STK3: variants seen among roughly 807,000 people sequenced by gnomAD.
STK3 encodes serine/threonine kinase 3, also known as serine/threonine-protein kinase 3.
In STK3, 41 loss-of-function variants were observed where a neutral mutation model predicts 58.0. That is an observed-to-expected ratio of 0.71 (90% CI 0.55 to 0.92). The LOEUF is 0.92. STK3 is among the 40% of genes least tolerant of loss of function. The pLI, the probability that STK3 is intolerant of heterozygous loss-of-function variation, is 0.00. For synonymous variants in STK3, 170 were observed against 191.0 expected (o/e 0.89, Z 0.91); for missense variants, 479 against 602.7 (o/e 0.79, Z 2.15).
chr8:98,726,321 T>C (rs911401226), intron 4 of STK3, among the ~76,000 whole-genome samples: 7 of 152,182 alleles, frequency 4.6e-5, no homozygotes, highest in Non-Finnish European at 1.5e-5. Context: ...GGGGACTATA[T>C]ATTATAATGT....
chr8:98,619,844 AG>A (rs1243236229), intron 6 of STK3, among the ~76,000 whole-genome samples: 1 of 89,706 alleles, frequency 1.1e-5, no homozygotes, highest in Non-Finnish European at 2.2e-5. Context: ...GTGGAGAAAT[AG>A]GAACACTTTT....
intron 6 of STK3, among the ~76,000 whole-genome samples, chr8:98,606,895 G>A (rs553203590): frequency 1.3e-5 from 2 of 152,232 alleles, no homozygotes; most frequent in South Asian, 4.1e-4. Context: ...AAACCTGAGG[G>A]GATCAAAGGA....
chr8:98,932,477 A>G (rs549821675), intron 1 of STK3, among the ~76,000 whole-genome samples: 11 of 152,222 alleles, frequency 7.2e-5, no homozygotes, highest in Non-Finnish European at 1.5e-4. Flanking sequence ...TTAGTAGATA[A>G]ACACTCGACT....
chr8:98,744,512 C>T (rs886725420), intron 4 of STK3, among the ~76,000 whole-genome samples: 1 of 141,504 alleles, frequency 7.1e-6, no homozygotes, highest in Non-Finnish European at 1.5e-5. Flanking sequence ...TATTCTCACT[C>T]ATAGGTGGGA....
chr8:98,624,433 CAT>C, intron 6 of STK3, among the ~76,000 whole-genome samples: 1 of 152,082 alleles, frequency 6.6e-6, no homozygotes, highest in Admixed American at 6.5e-5. Context: ...AAAACTTTAT[CAT>C]AGAGTTGGTC....
chr8:98,792,457 G>A (rs1832863859), intron 1 of STK3, among the ~76,000 whole-genome samples: 1 of 152,236 alleles, frequency 6.6e-6, no homozygotes, highest in South Asian at 2.1e-4. Flanking sequence ...GACACTTTGG[G>A]AGGCCGAGGT....
intron 4 of STK3, among the ~76,000 whole-genome samples, chr8:98,745,685 A>C (rs537652310): frequency 6.6e-6 from 1 of 152,304 alleles, no homozygotes; most frequent in South Asian, 2.1e-4. Flanking sequence ...CTTTTGACTG[A>C]CTTACAAGAT....
At chr8:98,485,608 G>A (rs1822193349) in intron 10 of STK3, among the ~76,000 whole-genome samples, 1 of 152,188 alleles carries the variant, frequency 6.6e-6, no homozygotes, top group Non-Finnish European at 1.5e-5. Context: ...ATTTCAACTA[G>A]CAACACAGGA....
chr8:98,689,133 G>A (rs965668687), intron 6 of STK3, among the ~76,000 whole-genome samples: 2 of 152,108 alleles, frequency 1.3e-5, no homozygotes, highest in Middle Eastern at 3.2e-3. Flanking sequence ...GAACATTTCA[G>A]TACATACAAA....
At chr8:98,828,852 A>T (rs528864241), upstream of STK3, among the ~76,000 whole-genome samples, 6 of 152,206 alleles carry the variant, frequency 3.9e-5, no homozygotes, top group Non-Finnish European at 8.8e-5. Flanking sequence ...TCTGTTTATT[A>T]GGCTGTCATC....
rs1587388300 is a variant in STK3 at position 98,712,550 on chromosome 8, A to C, written c.352-5239T>G. Among the ~76,000 whole-genome samples, 4 of 151,668 alleles carry C rather than the reference A, an allele frequency of 2.6e-5. No homozygotes were observed. In the South Asian group the frequency reaches 8.4e-4, roughly 32 times the overall value. On this transcript the variant is annotated intron_variant, in intron 4 of 10. Coordinates refer to ENST00000419617, the MANE Select transcript of STK3 (RefSeq NM_006281.4). ...AAGAGACAAAGAAGGCCATTACATA[A>C]TGGTAAAGGGATCAATTCAACAAGA...
intron 10 of STK3, among the ~76,000 whole-genome samples, chr8:98,465,637 G>C (rs1296439117): frequency 6.6e-6 from 1 of 152,170 alleles, no homozygotes. Flanking sequence ...ATGTAACAGA[G>C]ATACCCTGAC....
intron 1 of STK3, among the ~76,000 whole-genome samples, chr8:98,922,980 C>T (rs369433357): frequency 8.5e-5 from 13 of 152,206 alleles, no homozygotes; most frequent in Admixed American, 3.3e-4. Flanking sequence ...AAATTGGTTC[C>T]GCTGAGGATT....
intron 6 of STK3, among the ~76,000 whole-genome samples, chr8:98,701,422 A>G (rs2131034578): frequency 6.6e-6 from 1 of 152,208 alleles, no homozygotes; most frequent in South Asian, 2.1e-4. Flanking sequence ...GTTCAAGATC[A>G]GTCTGGCCAA....
intron 10 of STK3, among the ~76,000 whole-genome samples, chr8:98,489,622 A>G (rs1205245558): frequency 6.6e-6 from 1 of 152,122 alleles, no homozygotes; most frequent in Admixed American, 6.5e-5. Context: ...TCCACATGAA[A>G]TTTATTTTTC....
intron 10 of STK3, among the ~76,000 whole-genome samples, chr8:98,500,097 G>A (rs1246271245): frequency 2.0e-5 from 3 of 152,032 alleles, no homozygotes; most frequent in Non-Finnish European, 4.4e-5. Flanking sequence ...ATCTCAGTGG[G>A]CCCTCAATAC....
chr8:98,541,199 C>T (rs940383801), intron 9 of STK3, among the ~76,000 whole-genome samples: 7 of 152,110 alleles, frequency 4.6e-5, no homozygotes, highest in Non-Finnish European at 1.0e-4. Flanking sequence ...GCTCTATGCC[C>T]CCACCTAAAT....
intron 6 of STK3, among the ~76,000 whole-genome samples, chr8:98,681,924 G>A (rs1460365514): frequency 6.6e-6 from 1 of 152,228 alleles, no homozygotes; most frequent in Non-Finnish European, 1.5e-5. Flanking sequence ...TGGCCTACTA[G>A]CAGTGTATTA....
chr8:98,820,691 T>C (rs959065236), intron 1 of STK3, among the ~76,000 whole-genome samples: 25 of 152,126 alleles, frequency 1.6e-4, no homozygotes, highest in African/African-American at 5.8e-4. Flanking sequence ...AAAAATCCAA[T>C]AAATTCGGCT....
Sources: allele counts gnomAD v4.1 joint callset (sites outside exome capture counted in the v4.1 genomes callset), GRCh38; gene constraint gnomAD v4.1.1; transcripts MANE v1.5; gene names NCBI Gene and HGNC (gene_info 2026-07-23, HGNC 2026-07-21).